Variants in DLGAP1 observed in about 807,000 individuals in gnomAD.
The protein encoded by DLGAP1 is disks large-associated protein 1.
In DLGAP1, 11 loss-of-function variants were observed where a neutral mutation model predicts 90.8. The observed-to-expected ratio is 0.12, with a 90% CI of 0.08 to 0.20. The LOEUF (loss-of-function observed/expected upper bound fraction) is 0.20, where lower values mean the gene tolerates loss of function less well. DLGAP1 is among the 10% of genes least tolerant of loss of function. The probability of loss-of-function intolerance (pLI) is 1.00; values close to 1 mark genes in which losing one functional copy is unlikely to be tolerated. For synonymous variants in DLGAP1, 558 were observed against 540.7 expected, an observed-to-expected ratio of 1.03 and a Z score of -0.44; for missense variants, 1,050 against 1,333.8, an observed-to-expected ratio of 0.79 and a Z score of 3.31.
At chr18:3,901,066 G>A (rs1469683222) in intron 3 of DLGAP1, among the ~76,000 whole-genome samples, 1 of 151,748 alleles carries the variant, frequency 6.6e-6, no homozygotes. Flanking sequence ...TGCTGTGAAC[G>A]CCCTCCACCC....
chr18:4,298,700 C>G (rs964935387), intron 1 of DLGAP1, among the ~76,000 whole-genome samples: 1 of 151,810 alleles, frequency 6.6e-6, no homozygotes, highest in East Asian at 1.9e-4. Flanking sequence ...GTGCAGCGCA[C>G]CAGCATGGCA....
At chr18:3,644,056 A>C (rs1485024325) in intron 7 of DLGAP1, among the ~76,000 whole-genome samples, 1 of 152,220 alleles carries the variant, frequency 6.6e-6, no homozygotes, top group Non-Finnish European at 1.5e-5. Flanking sequence ...AGTTCTAGCC[A>C]ATAAAATATA....
At position 3,880,033 on chromosome 18, in the gene DLGAP1, G is replaced by T. The variant is rs769307108; in HGVS notation, c.36C>A (p.His12Gln). ...CACAGGCCGAGTCGCAGGTGACCCCGTGGTGATGGCTGCGGCTGCCTGATA... is the reference window on the plus strand; with the variant it reads ...CACAGGCCGAGTCGCAGGTGACCCCTTGGTGATGGCTGCGGCTGCCTGATA... ...KGLSGSRSHH[H>Q]GVTCDSACDS... The change falls in exon 4 of 13, where the codon CAC (histidine) becomes CAA (glutamine). Residue 12 changes from histidine (H) to glutamine (Q), a missense_variant. Transcript: ENST00000315677. 6.2e-7 allele frequency: 1 copy of T among 1,606,246 alleles called. No homozygotes were observed. The highest frequency in any genetic ancestry group is 1.1e-5 in the South Asian group (1 of 91,006).
intron 7 of DLGAP1, among the ~76,000 whole-genome samples, chr18:3,625,705 T>G (rs1186780252): frequency 1.3e-5 from 2 of 152,122 alleles, no homozygotes; most frequent in African/African-American, 4.8e-5. Context: ...TAGTACATCA[T>G]GTTAGTTCAG....
intron 3 of DLGAP1, among the ~76,000 whole-genome samples, chr18:3,998,653 T>C (rs1320464110): frequency 6.6e-6 from 1 of 152,200 alleles, no homozygotes; most frequent in African/African-American, 2.4e-5. Context: ...TCATGATGTT[T>C]CCTATTCAAA....
At chr18:4,134,853 C>T (rs2076374956) in intron 2 of DLGAP1, among the ~76,000 whole-genome samples, 1 of 152,056 alleles carries the variant, frequency 6.6e-6, no homozygotes, top group African/African-American at 2.4e-5. Context: ...CACCAACACG[C>T]TGTATTTGTC....
chr18:3,844,741 A>AAAATTACTAC (rs2068912037), intron 4 of DLGAP1, among the ~76,000 whole-genome samples: 1 of 152,214 alleles, frequency 6.6e-6, no homozygotes, highest in Non-Finnish European at 1.5e-5. Flanking sequence ...TTAGCAATTG[A>AAAATTACTAC]AAATTACTAC....
At chr18:4,163,570 G>A (rs1256898223) in intron 1 of DLGAP1, among the ~76,000 whole-genome samples, 2 of 152,308 alleles carry the variant, frequency 1.3e-5, no homozygotes, top group East Asian at 3.9e-4. Flanking sequence ...AGTAAATTGT[G>A]CACATACTTC....
chr18:3,902,457 C>T (rs1049927507), intron 3 of DLGAP1, among the ~76,000 whole-genome samples: 3 of 152,164 alleles, frequency 2.0e-5, no homozygotes, highest in Admixed American at 1.3e-4. Flanking sequence ...AAAACACTGG[C>T]ATACAGTAGG....
intron 5 of DLGAP1, among the ~76,000 whole-genome samples, chr18:3,781,780 A>G (rs2065204942): frequency 1.3e-5 from 2 of 152,370 alleles, no homozygotes; most frequent in Non-Finnish European, 2.9e-5. Flanking sequence ...ATTTTGATCT[A>G]TATTTACATA....
intron 1 of DLGAP1, among the ~76,000 whole-genome samples, chr18:4,230,062 A>T (rs1020730906): frequency 1.3e-5 from 2 of 152,110 alleles, no homozygotes; most frequent in African/African-American, 4.8e-5. Context: ...TCATCTATGA[A>T]ATGCAAATTA....
intron 1 of DLGAP1, chr18:4,430,452 T>G (rs2083260200): frequency 6.6e-6 from 1 of 151,812 alleles, no homozygotes; most frequent in Non-Finnish European, 1.5e-5. Flanking sequence ...AAATACAGAT[T>G]CTTTGATAGG....
At chr18:3,657,092 C>A (rs1042535742) in intron 7 of DLGAP1, among the ~76,000 whole-genome samples, 1 of 152,080 alleles carries the variant, frequency 6.6e-6, no homozygotes, top group African/African-American at 2.4e-5. Flanking sequence ...ATAAATTAGA[C>A]CTGATAACAA....
intron 1 of DLGAP1, among the ~76,000 whole-genome samples, chr18:4,375,250 T>C (rs2081992432): frequency 1.3e-5 from 2 of 152,136 alleles, no homozygotes; most frequent in South Asian, 4.1e-4. Context: ...TGCATGCTGA[T>C]GAGGAACGAA....
intron 1 of DLGAP1, among the ~76,000 whole-genome samples, chr18:4,168,741 A>G (rs568761302): frequency 1.3e-5 from 2 of 152,256 alleles, no homozygotes; most frequent in East Asian, 3.9e-4. Context: ...ATTCCTTTTA[A>G]GTAAATGATT....
chr18:3,876,237 G>A (rs577958350), intron 4 of DLGAP1, among the ~76,000 whole-genome samples: 1 of 151,986 alleles, frequency 6.6e-6, no homozygotes, highest in South Asian at 2.1e-4. Context: ...GTTCTCAGGA[G>A]GTATTTTCTA....
At chr18:3,811,641 C>T (rs912548927) in intron 5 of DLGAP1, among the ~76,000 whole-genome samples, 28 of 152,344 alleles carry the variant, frequency 1.8e-4, no homozygotes, top group African/African-American at 6.3e-4. Context: ...TGACCCTCTA[C>T]CATCAGCCTA....
At chr18:3,720,941 T>C (rs963639760) in intron 7 of DLGAP1, among the ~76,000 whole-genome samples, 6 of 141,934 alleles carry the variant, frequency 4.2e-5, no homozygotes, top group African/African-American at 1.6e-4. Context: ...TCAGCTATAC[T>C]GGGGGCTGAG....
chr18:4,365,733 C>A (rs1373249409), intron 1 of DLGAP1, among the ~76,000 whole-genome samples: 1 of 152,014 alleles, frequency 6.6e-6, no homozygotes, highest in African/African-American at 2.4e-5. Context: ...TAATCCTGTT[C>A]CTTAAAATTG....
Sources: allele counts gnomAD v4.1 joint callset (sites outside exome capture counted in the v4.1 genomes callset), GRCh38; gene constraint gnomAD v4.1.1; transcripts MANE v1.5; gene names NCBI Gene and HGNC (gene_info 2026-07-23, HGNC 2026-07-21).